FLACC1: variants seen among roughly 807,000 people sequenced by gnomAD.
FLACC1 encodes flagellum associated containing coiled-coil domains 1.
Under a neutral mutation model 62.8 loss-of-function variants are expected in FLACC1, and 66 were observed. The ratio of observed to expected loss-of-function variants is 1.05; its 90% CI spans 0.86 to 1.29. FLACC1 has a LOEUF of 1.29. Ranked by LOEUF, FLACC1 falls within the 50% of genes most tolerant of loss-of-function variation. The pLI is 0.00. For synonymous variants in FLACC1, 156 were observed against 161.0 expected (o/e 0.97, Z 0.24); for missense variants, 452 against 489.1 (o/e 0.92, Z 0.71).
intron 11 of FLACC1, among the ~76,000 whole-genome samples, chr2:201,300,152 G>A (rs539744134): frequency 6.6e-6 from 1 of 152,314 alleles, no homozygotes; most frequent in South Asian, 2.1e-4. Context: ...AGCGCGAGGG[G>A]TCAGATAATT....
At chr2:201,353,681 G>A (rs1576485019) in intron 1 of FLACC1, among the ~76,000 whole-genome samples, 1 of 152,120 alleles carries the variant, frequency 6.6e-6, no homozygotes, top group East Asian at 1.9e-4. Flanking sequence ...TCTGCTTCCT[G>A]GGTTCAAGCG....
At chr2:201,340,451 T>C (rs1345003294) in intron 7 of FLACC1, among the ~76,000 whole-genome samples, 2 of 152,232 alleles carry the variant, frequency 1.3e-5, no homozygotes, top group Non-Finnish European at 2.9e-5. Context: ...ATCTTGTTCT[T>C]GTAATAAGCT....
At position 201,342,425 on chromosome 2, in the gene FLACC1, T is replaced by C. The variant is rs768095234; in HGVS notation, c.469A>G (p.Ser157Gly). ...TCAGCACAGCGGAGATCCATTTCACTGGAGAGCTGGAAACAAAATCAGCAT... is the reference window on the plus strand; with the variant it reads ...TCAGCACAGCGGAGATCCATTTCACCGGAGAGCTGGAAACAAAATCAGCAT... Reference protein sequence around the residue: ...DHQSAQKLLSSEMDLRCAEMK... With the variant: ...DHQSAQKLLSGEMDLRCAEMK... Residue 157 changes from serine to glycine, a missense_variant, in exon 7 of 15, where the codon AGT (serine) becomes GGT (glycine). By Grantham distance (56) the Ser-to-Gly change is moderately conservative. This residue lies in a region of FLACC1 where 301 missense variants were observed against 318.4 expected (regional missense o/e 0.95). Coordinates refer to ENST00000392257, the MANE Select transcript of FLACC1 (RefSeq NM_001127391.3). 5.6e-6 allele frequency: 9 copies of C among 1,614,072 alleles called. No homozygotes were observed. Among genetic ancestry groups the C allele is most frequent in the Admixed American group, 1.7e-5 (1 of 60,010 alleles).
chr2:201,288,799 A>AGAT lies in FLACC1; in HGVS notation c.1143-21_1143-19dup, dbSNP rs1038515848. ...TCTTTTGCCTGTAAAAAGAAAGGAA[A>AGAT]GATGTATCAATGTCAACTCAAAAGC... On this transcript the variant is annotated intron_variant, in intron 14 of 14. Coordinates refer to ENST00000392257, the MANE Select transcript of FLACC1 (RefSeq NM_001127391.3). 7 of 1,611,098 alleles carry AGAT rather than the reference A, an allele frequency of 4.3e-6. No individual in the cohort carries two copies. In the African/African-American group the frequency reaches 8.0e-5, roughly 18 times the overall value.
intron 9 of FLACC1, among the ~76,000 whole-genome samples, chr2:201,328,983 C>T (rs568056463): frequency 4.1e-4 from 63 of 152,066 alleles, no homozygotes; most frequent in African/African-American, 1.0e-3. Context: ...CGGATAGTTA[C>T]GGAACCACCA....
chr2:201,342,541 A>T lies in FLACC1; in HGVS notation c.463-110T>A, dbSNP rs76757580. ...ATGGGGCACAGCCGCCTTCCAATTC[A>T]TGGGGCACAGCCCCCTTCCCACCCC... On this transcript the variant is annotated intron_variant, in intron 6 of 14. Transcript: ENST00000392257. 489 of 1,054,534 alleles carry T rather than the reference A, an allele frequency of 4.6e-4. No homozygotes were observed. The East Asian group carries it at 0.011, about 24-fold the overall frequency. 65.3% of individuals were successfully genotyped at this position (1,054,534 alleles called of 1,614,324 possible).
the FLACC1 span, among the ~76,000 whole-genome samples, chr2:201,362,768 G>C: frequency 6.6e-6 from 1 of 152,174 alleles, no homozygotes; most frequent in South Asian, 2.1e-4. Context: ...TTTAATCCAG[G>C]CATTCTTTGG....
intron 9 of FLACC1, among the ~76,000 whole-genome samples, chr2:201,318,054 T>C (rs1315762598): frequency 6.6e-6 from 1 of 152,178 alleles, no homozygotes; most frequent in East Asian, 1.9e-4. Context: ...TGTAGGAGAA[T>C]GAAACTGGAT....
At chr2:201,317,881 C>G (rs1324570049) in intron 9 of FLACC1, among the ~76,000 whole-genome samples, 1 of 152,138 alleles carries the variant, frequency 6.6e-6, no homozygotes, top group Non-Finnish European at 1.5e-5. Flanking sequence ...CACCATGGTA[C>G]TGGTATAAAT....
intron 11 of FLACC1, among the ~76,000 whole-genome samples, chr2:201,300,119 G>A (rs1482348173): frequency 5.3e-5 from 8 of 152,198 alleles, no homozygotes; most frequent in Non-Finnish European, 8.8e-5. Flanking sequence ...CCGAAACAGG[G>A]TGGGGCACCG....
chr2:201,305,411 G>A (rs182504074), intron 11 of FLACC1, among the ~76,000 whole-genome samples: 1 of 152,072 alleles, frequency 6.6e-6, no homozygotes, highest in Non-Finnish European at 1.5e-5. Flanking sequence ...TTAGAATGGC[G>A]ATCATTAAAA....
intron 9 of FLACC1, among the ~76,000 whole-genome samples, chr2:201,320,076 G>A (rs1950375210): frequency 1.3e-5 from 2 of 152,230 alleles, no homozygotes; most frequent in Non-Finnish European, 1.5e-5. Context: ...GGGGAGGGAT[G>A]TGGAATATAA....
intron 12 of FLACC1, among the ~76,000 whole-genome samples, chr2:201,291,139 C>A (rs1415497354): frequency 6.6e-6 from 1 of 152,176 alleles, no homozygotes; most frequent in Non-Finnish European, 1.5e-5. Flanking sequence ...GAAACCTCTG[C>A]AGACTTAAAT....
intron 9 of FLACC1, among the ~76,000 whole-genome samples, chr2:201,318,595 A>T (rs192131494): frequency 6.6e-6 from 1 of 152,162 alleles, no homozygotes; most frequent in Non-Finnish European, 1.5e-5. Flanking sequence ...TAAAAAAAAA[A>T]TACATGTTGG....
chr2:201,314,535 G>T (rs1950276056), intron 9 of FLACC1, among the ~76,000 whole-genome samples: 1 of 152,130 alleles, frequency 6.6e-6, no homozygotes, highest in Admixed American at 6.5e-5. Flanking sequence ...CAAGGAGTCT[G>T]GGATGTTAAA....
In FLACC1 at chr2:201,326,667, G is replaced by A. The variant is rs937317806; in HGVS notation, c.675+3803C>T. Reference sequence around the variant, plus strand: ...TAAAACACAGCTGAAAGAAGTAATAGGTTATACAAACAAATGGAAATGCAT... The same window carrying A: ...TAAAACACAGCTGAAAGAAGTAATAAGTTATACAAACAAATGGAAATGCAT... On this transcript the variant is annotated intron_variant, in intron 9 of 14. Transcript: ENST00000392257. This position sits in a 1 kb window ranked among gnomAD's most constrained non-coding sequence, Gnocchi z 4.1. Among the ~76,000 whole-genome samples, 2 of 152,124 alleles carry A rather than the reference G, an allele frequency of 1.3e-5. No individual in the cohort carries two copies. The highest frequency in any genetic ancestry group is 2.9e-5 in the Non-Finnish European group (2 of 68,024).
intron 9 of FLACC1, among the ~76,000 whole-genome samples, chr2:201,311,700 CA>C (rs34119306): frequency 8.0e-4 from 91 of 113,366 alleles, no homozygotes; most frequent in Admixed American, 2.0e-3. Flanking sequence ...GACACTGACT[CA>C]AAAAAAAAAA....
At chr2:201,288,919 G>T in intron 14 of FLACC1, 138 bp from the exon 15 acceptor site, 1 of 1,004,008 alleles carries the variant, frequency 1.0e-6, no homozygotes, top group Non-Finnish European at 1.4e-6. Flanking sequence ...CAGTGGTTTT[G>T]AATTTAGTGA....
intron 10 of FLACC1, among the ~76,000 whole-genome samples, chr2:201,308,949 C>A (rs958512092): frequency 5.3e-5 from 8 of 152,174 alleles, no homozygotes; most frequent in Non-Finnish European, 1.0e-4. Context: ...TCTCTTAGAT[C>A]AGATGCCTGA....
Sources: allele counts gnomAD v4.1 joint callset (sites outside exome capture counted in the v4.1 genomes callset), GRCh38; gene constraint gnomAD v4.1.1; regional missense constraint gnomAD v4.1.1; non-coding constraint Gnocchi (gnomAD v3.1); transcripts MANE v1.5; gene names NCBI Gene and HGNC (gene_info 2026-07-23, HGNC 2026-07-21).